The following SEC23A variants were observed in gnomAD, a reference collection of about 807,000 sequenced individuals.
SEC23A encodes SEC23 homolog A, COPII component.
In SEC23A, 56 loss-of-function variants were observed where a neutral mutation model predicts 103.7. The ratio of observed to expected loss-of-function variants is 0.54; its 90% CI spans 0.44 to 0.67. The LOEUF (loss-of-function observed/expected upper bound fraction) is 0.67. Among genes scored for constraint, SEC23A ranks in the 30% least tolerant of loss-of-function variants. SEC23A has a pLI of 0.00. For synonymous variants in SEC23A, 281 were observed against 293.0 expected (o/e 0.96, Z 0.42); for missense variants, 784 against 936.4 (o/e 0.84, Z 2.12).
At chr14:39,049,648 C>T (rs897975695) in intron 14 of SEC23A, among the ~76,000 whole-genome samples, 24 of 151,700 alleles carry the variant, frequency 1.6e-4, no homozygotes, top group African/African-American at 5.3e-4. Flanking sequence ...CATGGTTGCA[C>T]GTGACTATAG....
chr14:39,034,671 T>C (rs1885404510), intron 19 of SEC23A, among the ~76,000 whole-genome samples: 1 of 152,356 alleles, frequency 6.6e-6, no homozygotes, highest in Middle Eastern at 3.4e-3. Context: ...TCCTAATTTA[T>C]ATACCACAGA....
At chr14:39,036,258 G>A (rs1027965414) in intron 19 of SEC23A, among the ~76,000 whole-genome samples, 4 of 137,114 alleles carry the variant, frequency 2.9e-5, no homozygotes, top group Non-Finnish European at 4.6e-5. Flanking sequence ...GGAGGCAGAG[G>A]TTGCAGCGAG....
At chr14:39,096,189 G>A (rs372395312) in intron 1 of SEC23A, 50 bp from the exon 2 acceptor site, 10 of 1,208,516 alleles carry the variant, frequency 8.3e-6, no homozygotes, top group African/African-American at 1.5e-5. Context: ...TCTTAAGAAC[G>A]TTCAAAATAT....
At chr14:39,071,131 G>C (rs1362355366) in intron 9 of SEC23A, among the ~76,000 whole-genome samples, 5 of 152,180 alleles carry the variant, frequency 3.3e-5, no homozygotes, top group African/African-American at 1.2e-4. Flanking sequence ...ATTCCAGCCA[G>C]GGCAATTAGG....
chr14:39,035,612 C>G (rs1231295266), intron 19 of SEC23A, among the ~76,000 whole-genome samples: 1 of 152,132 alleles, frequency 6.6e-6, no homozygotes, highest in African/African-American at 2.4e-5. Flanking sequence ...ACTTTTAGAA[C>G]TTTTGGACCT....
chr14:39,096,164 T>A (rs757736246), intron 1 of SEC23A, 25 bp from the exon 2 acceptor site: 1 of 1,422,918 alleles, frequency 7.0e-7, no homozygotes, highest in Non-Finnish European at 9.9e-7. Flanking sequence ...TAAAATATTT[T>A]AAAATCCAGG....
chr14:39,070,870 T>C (rs948896309), intron 9 of SEC23A, among the ~76,000 whole-genome samples: 4 of 151,954 alleles, frequency 2.6e-5, no homozygotes, highest in African/African-American at 7.3e-5. Context: ...CTACTAAAAA[T>C]ACAAAAATTA....
At chr14:39,055,574 A>AT (rs1201865739) in intron 13 of SEC23A, among the ~76,000 whole-genome samples, 1 of 152,104 alleles carries the variant, frequency 6.6e-6, no homozygotes, top group East Asian at 1.9e-4. Context: ...GGCCCAGCTA[A>AT]TTTTTTTGTA....
intron 3 of SEC23A, chr14:39,092,868 G>A: frequency 2.0e-6 from 1 of 498,236 alleles, no homozygotes; most frequent in South Asian, 2.3e-5. Context: ...TGTTTGTTTT[G>A]TTTGTTTGTT....
chr14:39,095,930 C>T lies in SEC23A; in HGVS notation c.189G>A (p.Arg63=). The T allele has an allele frequency of 1.2e-6, 2 of 1,614,100 alleles. No individual in the cohort carries two copies. Among genetic ancestry groups the T allele is most frequent in the South Asian group, 2.2e-5 (2 of 91,076 alleles). Residue 63 remains arginine (R), a synonymous_variant, in exon 2 of 20, where the codon AGG becomes AGA. Transcript: ENST00000307712. ...PIQYEPVLCS[R]TTCRAVLNPL... ...GATTCAAAACTGCACGGCAAGTGGT[C>T]CTACTACACAGAACAGGTTCATATT...
intron 19 of SEC23A, among the ~76,000 whole-genome samples, chr14:39,034,427 TTCC>T (rs1439256595): frequency 6.6e-6 from 1 of 152,238 alleles, no homozygotes; most frequent in African/African-American, 2.4e-5. Context: ...ATTTCTATTG[TTCC>T]TCCTGTTCAA....
chr14:39,089,853 G>A (rs1228263822), intron 5 of SEC23A, among the ~76,000 whole-genome samples: 1 of 152,190 alleles, frequency 6.6e-6, no homozygotes, highest in Non-Finnish European at 1.5e-5. Context: ...CTACTCGAGA[G>A]GCTGAGGCAG....
chr14:39,050,063 C>G (rs1310816734), intron 14 of SEC23A, among the ~76,000 whole-genome samples: 1 of 152,044 alleles, frequency 6.6e-6, no homozygotes, highest in African/African-American at 2.4e-5. Flanking sequence ...CCACCGTGCC[C>G]GGCCAAAAAC....
At chr14:39,067,128 T>C (rs369922025) in intron 10 of SEC23A, 45 bp downstream of exon 10, 50 of 1,608,948 alleles carry the variant, frequency 3.1e-5, no homozygotes, top group Non-Finnish European at 4.0e-5. Context: ...AGCCTATAAG[T>C]TGTCTTTTGA....
intron 2 of SEC23A, among the ~76,000 whole-genome samples, chr14:39,095,171 C>T (rs539077091): frequency 6.6e-6 from 1 of 152,108 alleles, no homozygotes; most frequent in South Asian, 2.1e-4. Flanking sequence ...GGTAGATCAC[C>T]CAGATTTGCT....
chr14:39,075,900 C>G (rs745865803), intron 8 of SEC23A, 35 bp downstream of exon 8: 6 of 1,597,234 alleles, frequency 3.8e-6, no homozygotes, highest in African/African-American at 1.3e-5. Context: ...TACCTGTTTT[C>G]TAATAAGGCA....
intron 2 of SEC23A, among the ~76,000 whole-genome samples, chr14:39,094,373 TACACAC>T (rs1160995370): frequency 0.2 from 3,873 of 19,126 alleles, 952 homozygotes; most frequent in Non-Finnish European, 0.28. Flanking sequence ...CATATATATA[TACACAC>T]ACACACACAC....
chr14:39,063,360 A>G lies in SEC23A; in HGVS notation c.1362T>C (p.Thr454=), dbSNP rs762996956. ...CCTCAAAATATATGGCTAAGGTTGTAGTGGGACTAAGTCCACATATCTTCC... is the reference window on the plus strand; with the variant it reads ...CCTCAAAATATATGGCTAAGGTTGTGGTGGGACTAAGTCCACATATCTTCC... ...CQWKICGLSP[T]TTLAIYFEVV... The change falls in exon 12 of 20, where the codon ACT becomes ACC. Residue 454 remains threonine, a synonymous_variant. Coordinates refer to ENST00000307712, the MANE Select transcript of SEC23A (RefSeq NM_006364.4). The G allele has an allele frequency of 6.2e-7, 1 of 1,612,426 alleles. No homozygotes were observed. The highest frequency in any genetic ancestry group is 1.1e-5 in the South Asian group (1 of 91,036).
intron 9 of SEC23A, among the ~76,000 whole-genome samples, chr14:39,067,877 C>T (rs1049843144): frequency 5.3e-5 from 8 of 151,746 alleles, no homozygotes; most frequent in Admixed American, 3.9e-4. Context: ...GCCATGTTGC[C>T]CAGGTTGGTC....
Sources: gnomAD v4.1 joint callset for allele counts (sites outside exome capture counted in the v4.1 genomes callset) on GRCh38, gnomAD v4.1.1 for gene constraint, MANE v1.5 for transcripts, NCBI Gene and HGNC (gene_info 2026-07-23, HGNC 2026-07-21) for gene names.